SLC44A5: variants seen among roughly 807,000 people sequenced by gnomAD.
The protein encoded by SLC44A5 is choline transporter-like protein 5.
In SLC44A5, 57 loss-of-function variants were observed where a neutral mutation model predicts 101.8. The ratio of observed to expected loss-of-function variants is 0.56; its 90% CI spans 0.45 to 0.70. The LOEUF (loss-of-function observed/expected upper bound fraction) is 0.70, where lower values mean the gene tolerates loss of function less well. Ranked by LOEUF, SLC44A5 falls within the 30% of genes least tolerant of loss-of-function variation. The probability of loss-of-function intolerance (pLI) is 0.00; values close to 1 mark genes in which losing one functional copy is unlikely to be tolerated. For synonymous variants in SLC44A5, 281 were observed against 290.9 expected, an observed-to-expected ratio of 0.97 and a Z score of 0.35; for missense variants, 737 against 853.1, an observed-to-expected ratio of 0.86 and a Z score of 1.70.
intron 12 of SLC44A5, 149 bp downstream of exon 12, chr1:75,233,837 T>C (rs1445412971): frequency 1.6e-6 from 1 of 614,404 alleles, no homozygotes; most frequent in Non-Finnish European, 2.8e-6. Flanking sequence ...ATATGCAAAA[T>C]GAAATATTTT....
the SLC44A5 span, among the ~76,000 whole-genome samples, chr1:75,656,678 A>T: frequency 9.0e-3 from 1,367 of 152,296 alleles, 21 homozygotes; most frequent in African/African-American, 0.031. Context: ...TAGACACATT[A>T]AAAACAAACA....
chr1:75,516,588 A>T (rs1214307689), intron 2 of SLC44A5, among the ~76,000 whole-genome samples: 2 of 152,160 alleles, frequency 1.3e-5, no homozygotes, highest in East Asian at 3.9e-4. Context: ...AAGGTTTAAG[A>T]CTTTGTTCAT....
the SLC44A5 span, among the ~76,000 whole-genome samples, chr1:75,655,192 G>A: frequency 6.6e-6 from 1 of 152,022 alleles, no homozygotes; most frequent in Non-Finnish European, 1.5e-5. Flanking sequence ...GTAGCTTCAG[G>A]TACTATGCTT....
intron 2 of SLC44A5, among the ~76,000 whole-genome samples, chr1:75,473,212 A>C (rs1452691727): frequency 6.6e-6 from 1 of 152,334 alleles, no homozygotes; most frequent in East Asian, 1.9e-4. Flanking sequence ...CAGGGCCTAC[A>C]TGGGAGTTCC....
chr1:75,232,116 T>C (rs544881520), intron 12 of SLC44A5, among the ~76,000 whole-genome samples: 1 of 78,918 alleles, frequency 1.3e-5, no homozygotes, highest in Non-Finnish European at 2.8e-5. Flanking sequence ...CCTCAGTAAA[T>C]TACTGTCAAG....
intron 2 of SLC44A5, among the ~76,000 whole-genome samples, chr1:75,488,531 C>CAATT (rs1668273422): frequency 6.6e-6 from 1 of 152,172 alleles, no homozygotes; most frequent in Non-Finnish European, 1.5e-5. Flanking sequence ...TAACAAAGTA[C>CAATT]TGAGTTAATT....
chr1:75,618,564 T>C, the SLC44A5 span, among the ~76,000 whole-genome samples: 1 of 152,188 alleles, frequency 6.6e-6, no homozygotes. Context: ...TTCTGAGAAA[T>C]GTGTCTTTAG....
At chr1:75,680,996 A>G in the SLC44A5 span, among the ~76,000 whole-genome samples, 24 of 150,872 alleles carry the variant, frequency 1.6e-4, no homozygotes, top group East Asian at 2.9e-3. Flanking sequence ...CTACGCAAAT[A>G]AACTAGAAAA....
intron 3 of SLC44A5, among the ~76,000 whole-genome samples, chr1:75,362,825 G>A (rs1569978418): frequency 6.6e-6 from 1 of 150,434 alleles, no homozygotes; most frequent in African/African-American, 2.5e-5. Flanking sequence ...TAAAGTGTAA[G>A]GGGGGTGAGT....
At chr1:75,431,822 G>A (rs999883214) in intron 2 of SLC44A5, among the ~76,000 whole-genome samples, 2 of 152,162 alleles carry the variant, frequency 1.3e-5, no homozygotes, top group South Asian at 2.1e-4. Context: ...GATGAAAACA[G>A]GTAATTCAAG....
chr1:75,622,115 G>T, the SLC44A5 span, among the ~76,000 whole-genome samples: 1 of 152,020 alleles, frequency 6.6e-6, no homozygotes, highest in Non-Finnish European at 1.5e-5. Flanking sequence ...TCACATTGAT[G>T]ATCCTTAACT....
the SLC44A5 span, among the ~76,000 whole-genome samples, chr1:75,617,652 T>TA: frequency 6.6e-6 from 1 of 152,254 alleles, no homozygotes; most frequent in African/African-American, 2.4e-5. Flanking sequence ...GCATCAGAAA[T>TA]AAAAAACAAA....
chr1:75,601,120 C>T (rs1674954068), intron 1 of SLC44A5, among the ~76,000 whole-genome samples: 1 of 152,130 alleles, frequency 6.6e-6, no homozygotes, highest in African/African-American at 2.4e-5. Flanking sequence ...TTCATTTTGG[C>T]TAGCGACATT....
intron 5 of SLC44A5, among the ~76,000 whole-genome samples, chr1:75,276,873 G>A (rs1194488341): frequency 6.6e-6 from 1 of 152,126 alleles, no homozygotes; most frequent in Non-Finnish European, 1.5e-5. Context: ...CCATCCCTCT[G>A]GGGAACTTCT....
intron 3 of SLC44A5, among the ~76,000 whole-genome samples, chr1:75,356,450 T>C (rs1659081911): frequency 6.6e-6 from 1 of 151,862 alleles, no homozygotes. Context: ...AAAAAGTTCA[T>C]AGAATAAGGA....
At chr1:75,232,294 A>G (rs1199891511) in intron 12 of SLC44A5, among the ~76,000 whole-genome samples, 1 of 152,150 alleles carries the variant, frequency 6.6e-6, no homozygotes. Context: ...GCTACTTAAG[A>G]CATCAGTTAA....
intron 1 of SLC44A5, among the ~76,000 whole-genome samples, chr1:75,579,556 A>C (rs1432727457): frequency 6.6e-6 from 1 of 152,210 alleles, no homozygotes; most frequent in Non-Finnish European, 1.5e-5. Flanking sequence ...ACACTAATAT[A>C]TTCCTTTTCA....
chr1:75,375,926 C>A (rs974129294), intron 3 of SLC44A5, among the ~76,000 whole-genome samples: 1 of 152,246 alleles, frequency 6.6e-6, no homozygotes, highest in South Asian at 2.1e-4. Context: ...TCTGAGGTAC[C>A]GGGTTCATCT....
chr1:75,472,896 C>A (rs1291976508), intron 2 of SLC44A5, among the ~76,000 whole-genome samples: 2 of 152,118 alleles, frequency 1.3e-5, no homozygotes, highest in South Asian at 2.1e-4. Context: ...AAGTGGCAAG[C>A]CTTCACTCTT....
Sources: allele counts gnomAD v4.1 joint callset (sites outside exome capture counted in the v4.1 genomes callset), GRCh38; gene constraint gnomAD v4.1.1; transcripts MANE v1.5; gene names NCBI Gene and HGNC (gene_info 2026-07-23, HGNC 2026-07-21).